The following PIK3CB variants were observed in gnomAD, a reference collection of about 807,000 sequenced individuals.
PIK3CB encodes phosphatidylinositol-4,5-bisphosphate 3-kinase catalytic subunit beta.
A neutral mutation model predicts 136.8 loss-of-function variants in PIK3CB; 39 were observed. The observed-to-expected ratio is 0.29, with a 90% CI of 0.22 to 0.37. PIK3CB has a LOEUF of 0.37. Ranked by LOEUF, PIK3CB falls within the 10% of genes least tolerant of loss-of-function variation. PIK3CB has a pLI of 1.00. For synonymous variants in PIK3CB, 428 were observed against 436.6 expected (o/e 0.98, Z 0.25); for missense variants, 868 against 1,275.4 (o/e 0.68, Z 4.87).
intron 2 of PIK3CB, among the ~76,000 whole-genome samples, chr3:138,787,294 A>G (rs2045991468): frequency 6.6e-6 from 1 of 150,824 alleles, no homozygotes; most frequent in South Asian, 2.1e-4. Context: ...TGAACCTAGG[A>G]GGCAGATGCT....
chr3:138,766,916 G>C (rs1354198043), intron 2 of PIK3CB, among the ~76,000 whole-genome samples: 2 of 152,152 alleles, frequency 1.3e-5, no homozygotes, highest in Non-Finnish European at 2.9e-5. Context: ...GTCAAACTTT[G>C]TAAACACTCT....
chr3:138,772,783 C>T (rs1390900321), intron 2 of PIK3CB, among the ~76,000 whole-genome samples: 4 of 112,206 alleles, frequency 3.6e-5, no homozygotes, highest in East Asian at 3.0e-4. Context: ...TATTTATTCT[C>T]TTTTTTTTTT....
In PIK3CB at chr3:138,698,634, TA is replaced by T. The variant is rs1284484783; in HGVS notation, c.1770+272del. On this transcript the variant is annotated intron_variant, in intron 13 of 23. Transcript: ENST00000674063. Reference sequence around the variant, plus strand: ...AAGCTGGTAGAAGGTACCCACGTCTTAGAAAGTGGTACTTTTGATAGATAAT... The same window carrying T: ...AAGCTGGTAGAAGGTACCCACGTCTTGAAAGTGGTACTTTTGATAGATAAT... Among the ~76,000 whole-genome samples the T allele has an allele frequency of 2.0e-5, 3 of 152,278 alleles. No homozygotes were observed. The East Asian group carries it at 5.8e-4, about 29-fold the overall frequency.
intron 2 of PIK3CB, among the ~76,000 whole-genome samples, chr3:138,762,724 G>A (rs936126276): frequency 1.3e-5 from 2 of 152,132 alleles, no homozygotes; most frequent in African/African-American, 2.4e-5. Flanking sequence ...TTGGGAAGCC[G>A]AAGCAAGTGG....
At chr3:138,785,529 GCTCT>G (rs2045972634) in intron 2 of PIK3CB, among the ~76,000 whole-genome samples, 1 of 152,112 alleles carries the variant, frequency 6.6e-6, no homozygotes, top group East Asian at 1.9e-4. Flanking sequence ...CCAACCCCAT[GCTCT>G]CTGAAACATG....
chr3:138,707,505 T>G, intron 10 of PIK3CB: 2 of 1,313,052 alleles, frequency 1.5e-6, no homozygotes, highest in Non-Finnish European at 1.9e-6. Flanking sequence ...ATGAGAAAGT[T>G]AACAAAACTG....
At chr3:138,764,799 C>CA (rs1008964343) in intron 2 of PIK3CB, among the ~76,000 whole-genome samples, 1 of 152,074 alleles carries the variant, frequency 6.6e-6, no homozygotes, top group Non-Finnish European at 1.5e-5. Context: ...ATTGCCTGAC[C>CA]AAATTTTATT....
intron 2 of PIK3CB, chr3:138,778,173 A>G: frequency 2.2e-6 from 1 of 452,436 alleles, no homozygotes; most frequent in South Asian, 1.5e-5. Context: ...GAGAAACCGA[A>G]AGGGTCATCA....
In PIK3CB at chr3:138,737,899, G is replaced by A. The variant is rs2045148235; in HGVS notation, c.622-13C>T. On this transcript the variant is annotated splice_polypyrimidine_tract_variant and intron_variant, in intron 5 of 23. Coordinates refer to ENST00000674063, the MANE Select transcript of PIK3CB (RefSeq NM_006219.3). The stretch of plus-strand genomic sequence containing the variant: ...AGCTAAACACGTCCTGAAGGGGGAG[G>A]GAGATGGGGAAAAAAGCAGTAAATG... 2 of 1,535,938 alleles carry A rather than the reference G, an allele frequency of 1.3e-6. No homozygotes were observed. The highest frequency in any genetic ancestry group is 1.8e-6 in the Non-Finnish European group (2 of 1,131,758).
chr3:138,747,754 G>T (rs895628248), intron 4 of PIK3CB, among the ~76,000 whole-genome samples: 7 of 152,026 alleles, frequency 4.6e-5, no homozygotes, highest in African/African-American at 1.7e-4. Context: ...TCGTCTGCAA[G>T]TTTTTTCAAA....
At chr3:138,681,185 T>A (rs891609035) in intron 19 of PIK3CB, among the ~76,000 whole-genome samples, 2 of 150,316 alleles carry the variant, frequency 1.3e-5, no homozygotes, top group Non-Finnish European at 3.0e-5. Flanking sequence ...TAGCTGGGAG[T>A]ACGGGCATGT....
intron 4 of PIK3CB, among the ~76,000 whole-genome samples, chr3:138,748,558 T>A (rs144928441): frequency 6.6e-6 from 1 of 152,190 alleles, no homozygotes; most frequent in African/African-American, 2.4e-5. Context: ...GTTTTGTGTA[T>A]AATAATTAAA....
chr3:138,770,464 C>T (rs1260591921), intron 2 of PIK3CB: 1 of 151,930 alleles, frequency 6.6e-6, no homozygotes, highest in Admixed American at 6.6e-5. Flanking sequence ...AATCCCAGCA[C>T]TCTGGGGGGC....
chr3:138,669,066 C>CCT (rs2043473078), intron 19 of PIK3CB, among the ~76,000 whole-genome samples: 1 of 152,124 alleles, frequency 6.6e-6, no homozygotes, highest in African/African-American at 2.4e-5. Context: ...TTCCTCCAAC[C>CCT]CTCTGAGATG....
At chr3:138,661,840 G>A (rs2043301111) in intron 21 of PIK3CB, among the ~76,000 whole-genome samples, 1 of 150,602 alleles carries the variant, frequency 6.6e-6, no homozygotes, top group Non-Finnish European at 1.5e-5. Flanking sequence ...GGAATTCCTA[G>A]GGGGGCTAAA....
chr3:138,815,518 A>T lies in PIK3CB; in HGVS notation c.-121-18951T>A, dbSNP rs370466375. ...TATAAATACAGAAAAAATATGTTAC[A>T]TTGACACAATACAAAGCAGTCCTGA... is the stretch of plus-strand genomic sequence containing the variant. On this transcript the variant is annotated intron_variant, in intron 1 of 23. Transcript: ENST00000674063. Among the ~76,000 whole-genome samples the T allele has an allele frequency of 3.3e-5, 5 of 152,126 alleles. No individual in the cohort carries two copies. The South Asian group carries it at 1.0e-3, about 32-fold the overall frequency.
At chr3:138,794,179 T>C (rs756800693) in intron 2 of PIK3CB, among the ~76,000 whole-genome samples, 1 of 152,060 alleles carries the variant, frequency 6.6e-6, no homozygotes, top group Non-Finnish European at 1.5e-5. Context: ...GGCCAGCTGG[T>C]CTCCAACTCC....
chr3:138,679,150 G>A (rs913635325), intron 19 of PIK3CB, among the ~76,000 whole-genome samples: 1 of 152,048 alleles, frequency 6.6e-6, no homozygotes, highest in Non-Finnish European at 1.5e-5. Flanking sequence ...GGCAGGCAAT[G>A]ACAAATGTCA....
intron 13 of PIK3CB, among the ~76,000 whole-genome samples, chr3:138,696,001 C>T (rs951432415): frequency 7.2e-6 from 1 of 138,416 alleles, no homozygotes; most frequent in African/African-American, 2.7e-5. Flanking sequence ...GAACTCCTGA[C>T]GTCAGGTGAT....
Sources: allele counts gnomAD v4.1 joint callset (sites outside exome capture counted in the v4.1 genomes callset), GRCh38; gene constraint gnomAD v4.1.1; transcripts MANE v1.5; gene names NCBI Gene and HGNC (gene_info 2026-07-23, HGNC 2026-07-21).